The following TCHH variants were observed in gnomAD, a reference collection of about 807,000 sequenced individuals.
The protein encoded by TCHH is trichohyalin.
A neutral mutation model predicts 6.3 loss-of-function variants in TCHH; 6 were observed. That is an observed-to-expected ratio of 0.95 (90% CI 0.52 to 1.88). The LOEUF is 1.88. Among genes scored for constraint, TCHH ranks in the 40% most tolerant of loss-of-function variants. The pLI, the probability that TCHH is intolerant of heterozygous loss-of-function variation, is 0.01. For synonymous variants in TCHH, 1,087 were observed against 963.6 expected, an observed-to-expected ratio of 1.13 and a Z score of -2.37; for missense variants, 2,920 against 2,449.1, an observed-to-expected ratio of 1.19 and a Z score of -4.06.
In TCHH at chr1:152,111,719, G is replaced by GCTGCTCGCGCCTCTCCTC; in HGVS notation, c.1480_1497dup (p.Glu494_Gln499dup). The GCTGCTCGCGCCTCTCCTC allele has an allele frequency of 6.3e-7, 1 of 1,588,590 alleles. No individual in the cohort carries two copies. The highest frequency in any genetic ancestry group is 8.6e-7 in the Non-Finnish European group (1 of 1,167,814). On this transcript the variant is annotated inframe_insertion, in exon 3 of 3. Coordinates refer to ENST00000614923, the MANE Select transcript of TCHH (RefSeq NM_007113.4). ...CTTAGTTGCTGCTCGCGCCTCTCCTGCTGCTCGCGCCTCTCCTCCTCCTCG... is the reference window on the plus strand; with the variant it reads ...CTTAGTTGCTGCTCGCGCCTCTCCTGCTGCTCGCGCCTCTCCTCCTGCTCGCGCCTCTCCTCCTCCTCG...
chr1:152,113,872 G>T (rs540195709), intron 2 of TCHH, 71 bp downstream of exon 2: 15 of 1,550,262 alleles, frequency 9.7e-6, no homozygotes, highest in Middle Eastern at 3.5e-4. Flanking sequence ...ACCATTCCTT[G>T]CTCTGGTCTC....
In TCHH at chr1:152,109,380, A is replaced by G. The variant is rs770539191; in HGVS notation, c.3837T>C (p.Arg1279=). Residue 1279 remains arginine, a synonymous_variant, in exon 3 of 3, where the codon CGT becomes CGC. Coordinates refer to ENST00000614923, the MANE Select transcript of TCHH (RefSeq NM_007113.4). ...GCTGCCAGCGCCTCCTCTCTTGCTC[A>G]CGATCTCGCTCTTGCTGTTCACCCA... ...HLLGEQQERD[R]EQERRRWQQR... The G allele has an allele frequency of 6.2e-7, 1 of 1,614,138 alleles. No homozygotes were observed. Among genetic ancestry groups the G allele is most frequent in the Non-Finnish European group, 8.5e-7 (1 of 1,180,022 alleles).
rs1658104542 is a variant in TCHH at position 152,106,360 on chromosome 1, T to C, written c.*1025A>G. 1 of 152,194 alleles carries C rather than the reference T, an allele frequency of 6.6e-6. No individual in the cohort carries two copies. Among genetic ancestry groups the C allele is most frequent in the Non-Finnish European group, 1.5e-5 (1 of 68,048 alleles). The allele number at this position is 152,194 out of a possible 1,614,324, so 9.4% of individuals were successfully genotyped here. On this transcript the variant is annotated 3_prime_UTR_variant, in exon 3 of 3. Transcript: ENST00000614923. ...TTATTAATTTTTCACAGTCCAATTA[T>C]TTCAACAAGAATATATCTAAGGTAT... is the stretch of plus-strand genomic sequence containing the variant.
Position 152,112,419 on chromosome 1 carries a change from C to G in TCHH, c.798G>C (p.Gln266His), listed in dbSNP as rs541676028. 6.2e-7 allele frequency: 1 copy of G among 1,613,924 alleles called. No homozygotes were observed. The highest frequency in any genetic ancestry group is 1.7e-5 in the Admixed American group (1 of 60,016). ...EEEKLQEEEPQRQRELQEEEE... is the reference protein window; with the variant it reads ...EEEKLQEEEPHRQRELQEEEE... ...CTTCCTCCTGGAGCTCTCTTTGCCGCTGCGGCTCCTCTTCCTGCAACTTCT... is the reference window on the plus strand; with the variant it reads ...CTTCCTCCTGGAGCTCTCTTTGCCGGTGCGGCTCCTCTTCCTGCAACTTCT... The change falls in exon 3 of 3, where the codon CAG (glutamine) becomes CAC (histidine). Residue 266 changes from glutamine to histidine, a missense_variant. By Grantham distance (24) the Gln-to-His change is conservative (BLOSUM62 0). Transcript: ENST00000614923.
At position 152,109,023 on chromosome 1, in the gene TCHH, C is replaced by T. The variant is rs1392974790; in HGVS notation, c.4194G>A (p.Gln1398=). ...RERKFLKEEQ[Q]LRCQEREQQL... is the part of the protein sequence containing the mutation. Reference sequence around the variant, plus strand: ...GTTGCTCGCGCTCCTGGCAGCGCAGCTGCTGTTCCTCCTTAAGGAATTTTC... The same window carrying T: ...GTTGCTCGCGCTCCTGGCAGCGCAGTTGCTGTTCCTCCTTAAGGAATTTTC... Residue 1398 remains glutamine (Q), a synonymous_variant, in exon 3 of 3, where the codon CAG becomes CAA. Transcript: ENST00000614923. 4 of 1,613,732 alleles carry T rather than the reference C, an allele frequency of 2.5e-6. No individual in the cohort carries two copies. Among genetic ancestry groups the T allele is most frequent in the African/African-American group, 1.3e-5 (1 of 74,850 alleles).
rs1408574653 is a variant in TCHH, at chr1:152,112,425, C to T, written c.792G>A (p.Glu264=). ...RKEEEKLQEE[E]PQRQRELQEE... Reference sequence around the variant, plus strand: ...CCTGGAGCTCTCTTTGCCGCTGCGGCTCCTCTTCCTGCAACTTCTCTTCTT... The same window carrying T: ...CCTGGAGCTCTCTTTGCCGCTGCGGTTCCTCTTCCTGCAACTTCTCTTCTT... Residue 264 remains glutamate, a synonymous_variant, in exon 3 of 3, where the codon GAG becomes GAA. Coordinates refer to ENST00000614923, the MANE Select transcript of TCHH (RefSeq NM_007113.4). 6.2e-7 allele frequency: 1 copy of T among 1,613,764 alleles called. No individual in the cohort carries two copies. The highest frequency in any genetic ancestry group is 8.5e-7 in the Non-Finnish European group (1 of 1,179,998).
Position 152,110,146 on chromosome 1 carries a change from T to G in TCHH, c.3071A>C (p.Asp1024Ala). 6.2e-7 allele frequency: 1 copy of G among 1,608,768 alleles called. No individual in the cohort carries two copies. The highest frequency in any genetic ancestry group is 1.1e-5 in the South Asian group (1 of 90,586). ...CTGCTCTTCTTCCTGCTGCAGCTCG[T>G]CTTTTTTGCGGTACTGCCTCTCCCA... is the stretch of plus-strand genomic sequence containing the variant. ...QEWERQYRKK[D>A]ELQQEEEQLL... Residue 1024 changes from aspartate to alanine, a missense_variant, in exon 3 of 3, where the codon GAC (aspartate) becomes GCC (alanine). Coordinates refer to ENST00000614923, the MANE Select transcript of TCHH (RefSeq NM_007113.4).
chr1:152,108,484 T>C lies in TCHH; in HGVS notation c.4733A>G (p.Asp1578Gly), dbSNP rs555240164. ...CTGTTCCTCTAAACGGAATTTTCTGTCACGCTCTTGGCGGCTCAGCTGCTG... is the reference window on the plus strand; with the variant it reads ...CTGTTCCTCTAAACGGAATTTTCTGCCACGCTCTTGGCGGCTCAGCTGCTG... ...EEQQLSRQER[D>G]RKFRLEEQKV... is the part of the protein sequence containing the mutation. Residue 1578 changes from aspartate (D) to glycine (G), a missense_variant, in exon 3 of 3, where the codon GAC becomes GGC. Physicochemically the swap from Asp to Gly is moderately conservative, Grantham distance 94. Transcript: ENST00000614923. 1 of 1,613,006 alleles carries C rather than the reference T, an allele frequency of 6.2e-7. No homozygotes were observed. The highest frequency in any genetic ancestry group is 1.3e-5 in the African/African-American group (1 of 74,806).
Position 152,109,120 on chromosome 1 carries a change from T to C in TCHH, c.4097A>G (p.Glu1366Gly). The C allele has an allele frequency of 6.2e-7, 1 of 1,613,658 alleles. No homozygotes were observed. Among genetic ancestry groups the C allele is most frequent in the Non-Finnish European group, 8.5e-7 (1 of 1,179,834 alleles). ...TCTCCCTTGTTCCTGATGGCGCAGT[T>C]CCTCTTCGCGGAATTTTCTGTCACG... The part of the protein sequence containing the change: ...QERDRKFREE[E>G]LRHQEQGRKF... The change falls in exon 3 of 3, where the codon GAA becomes GGA. Residue 1366 changes from glutamate (E) to glycine (G), a missense_variant. By Grantham distance (98) the Glu-to-Gly change is moderately conservative. Coordinates refer to ENST00000614923, the MANE Select transcript of TCHH (RefSeq NM_007113.4).
intron 1 of TCHH, among the ~76,000 whole-genome samples, chr1:152,114,792 G>A (rs1017899280): frequency 2.6e-5 from 4 of 152,120 alleles, no homozygotes; most frequent in South Asian, 2.1e-4. Context: ...TAAGATATTC[G>A]GATATTGAAG....
chr1:152,111,523 T>A lies in TCHH; in HGVS notation c.1694A>T (p.Gln565Leu), dbSNP rs772091043. The stretch of plus-strand genomic sequence containing the variant: ...CTCCTCCTGCTCGCGCTTCAGCCGC[T>A]GCTCTCGCCTCTCCTGCTCGAGCCT... Reference protein sequence around the residue: ...EKRLEQERREQRLKREQEERR... With the variant: ...EKRLEQERRELRLKREQEERR... The change falls in exon 3 of 3, where the codon CAG (glutamine) becomes CTG (leucine). Residue 565 changes from glutamine (Q) to leucine (L), a missense_variant. Coordinates refer to ENST00000614923, the MANE Select transcript of TCHH (RefSeq NM_007113.4). 1 of 1,607,222 alleles carries A rather than the reference T, an allele frequency of 6.2e-7. No individual in the cohort carries two copies. Among genetic ancestry groups the A allele is most frequent in the South Asian group, 1.1e-5 (1 of 90,780 alleles).
Position 152,111,699 on chromosome 1 carries a change from T to TTGCTGCTCGCGCCTTCTCC in TCHH, c.1517_1518insGGAGAAGGCGCGAGCAGCA (p.Leu507GlufsTer177). On this transcript the variant is annotated frameshift_variant, in exon 3 of 3. Transcript: ENST00000614923. LOFTEE classifies it low-confidence loss of function (END_TRUNC). ...GCCTCTCCTCTTGCTCCCGCCTTAG[T>TTGCTGCTCGCGCCTTCTCC]TGCTGCTCGCGCCTCTCCTGCTGCT... 7.0e-7 allele frequency: 1 copy of TTGCTGCTCGCGCCTTCTCC among 1,438,434 alleles called. No homozygotes were observed. The highest frequency in any genetic ancestry group is 9.3e-7 in the Non-Finnish European group (1 of 1,077,548). The allele number at this position is 1,438,434 out of a possible 1,614,324, so 89.1% of individuals were successfully genotyped here.
Position 152,106,449 on chromosome 1 carries a change from C to A in TCHH, c.*936G>T, listed in dbSNP as rs1469794182. On this transcript the variant is annotated 3_prime_UTR_variant, in exon 3 of 3. Transcript: ENST00000614923. Reference sequence around the variant, plus strand: ...TGTCAAAGGGCCTCTAGAAATTTGCCCCTATGTTCACACATTTTTCCCTTT... The same window carrying A: ...TGTCAAAGGGCCTCTAGAAATTTGCACCTATGTTCACACATTTTTCCCTTT... 1 of 152,100 alleles carries A rather than the reference C, an allele frequency of 6.6e-6. No individual in the cohort carries two copies. Among genetic ancestry groups the A allele is most frequent in the Admixed American group, 6.5e-5 (1 of 15,270 alleles). The allele number at this position is 152,100 out of a possible 1,614,324, so 9.4% of individuals were successfully genotyped here. A position where few individuals can be genotyped will look rare whatever the true frequency, so the allele number is the denominator to read the frequency against.
chr1:152,111,604 A>G lies in TCHH; in HGVS notation c.1613T>C (p.Leu538Pro), dbSNP rs199577810. Residue 538 changes from leucine (L) to proline (P), a missense_variant, in exon 3 of 3, where the codon CTA (leucine) becomes CCA (proline). Physicochemically the swap from Leu to Pro is moderately conservative, Grantham distance 98. Transcript: ENST00000614923. Reference protein sequence around the residue: ...LQQRLRSEQQLRREQEERREQ... With the variant: ...LQQRLRSEQQPRREQEERREQ... The stretch of plus-strand genomic sequence containing the variant: ...GCGCCTCTCCTCCTGCTCGCGTCTT[A>G]GTTGTTGCTCGCTCCTCAACCGCTG... 1.3e-3 allele frequency: 2,071 copies of G among 1,544,718 alleles called. 1 individual carries two copies. Among genetic ancestry groups the G allele is most frequent in the Non-Finnish European group, 1.7e-3 (1,907 of 1,147,368 alleles).
In TCHH at chr1:152,107,722, T is replaced by C; in HGVS notation, c.5495A>G (p.Glu1832Gly). 6.2e-7 allele frequency: 1 copy of C among 1,614,182 alleles called. No homozygotes were observed. Among genetic ancestry groups the C allele is most frequent in the Non-Finnish European group, 8.5e-7 (1 of 1,180,040 alleles). Residue 1832 changes from glutamate (E) to glycine (G), a missense_variant, in exon 3 of 3, where the codon GAA becomes GGA. Coordinates refer to ENST00000614923, the MANE Select transcript of TCHH (RefSeq NM_007113.4). ...RWEEEQLQLEEQEQRLRQERD... is the reference protein window; with the variant it reads ...RWEEEQLQLEGQEQRLRQERD... ...CTCCTGCCGCAGCCTCTGCTCTTGT[T>C]CCTCAAGTTGGAGCTGCTCTTCTTC...
In TCHH at chr1:152,109,150, TGGC is replaced by T. The variant is rs1348715151; in HGVS notation, c.4064_4066del (p.Arg1355del). The T allele has an allele frequency of 6.2e-7, 1 of 1,613,984 alleles. No homozygotes were observed. Among genetic ancestry groups the T allele is most frequent in the East Asian group, 2.2e-5 (1 of 44,878 alleles). On this transcript the variant is annotated inframe_deletion, in exon 3 of 3. Coordinates refer to ENST00000614923, the MANE Select transcript of TCHH (RefSeq NM_007113.4). ...TTCGCGGAATTTTCTGTCACGCTCTTGGCGGCGCAGCGGCTGTTCCTCCCTTTC... is the reference window on the plus strand; with the variant it reads ...TTCGCGGAATTTTCTGTCACGCTCTTGGCGCAGCGGCTGTTCCTCCCTTTC...
chr1:152,112,213 C>T lies in TCHH; in HGVS notation c.1004G>A (p.Arg335His), dbSNP rs757795716. The change falls in exon 3 of 3, where the codon CGC becomes CAC. Residue 335 changes from arginine to histidine, a missense_variant. Transcript: ENST00000614923. ...CTGCTCGCGCCTCAGCTGCTGCTCG[C>T]GCCTCTCCTCCTGCTGCTCGCGCCT... ...QERREQQEER[R>H]EQQLRREQEE... 7.3e-7 allele frequency: 1 copy of T among 1,372,290 alleles called. No individual in the cohort carries two copies. Among genetic ancestry groups the T allele is most frequent in the Non-Finnish European group, 9.6e-7 (1 of 1,042,342 alleles). The allele number at this position is 1,372,290 out of a possible 1,614,324, so 85.0% of individuals were successfully genotyped here. A position where few individuals can be genotyped will look rare whatever the true frequency, so the allele number is the denominator to read the frequency against.
chr1:152,112,510 C>T lies in TCHH; in HGVS notation c.707G>A (p.Arg236Lys). 6.2e-7 allele frequency: 1 copy of T among 1,613,482 alleles called. No homozygotes were observed. The highest frequency in any genetic ancestry group is 8.5e-7 in the Non-Finnish European group (1 of 1,179,994). ...TTTCTCTTCTTCCTCCTGGAACACT[C>T]TGTCTTGCCGCTCTCGCCTTTGCTG... ...KQQQRRERQD[R>K]VFQEEEEKEW... The change falls in exon 3 of 3, where the codon AGA (arginine) becomes AAA (lysine). Residue 236 changes from arginine (R) to lysine (K), a missense_variant. Transcript: ENST00000614923.
chr1:152,112,271 C>T lies in TCHH; in HGVS notation c.946G>A (p.Glu316Lys), dbSNP rs552863941. Reference sequence around the variant, plus strand: ...TGCTCGCGCCTCTCCTCCTGCTGCTCGCGCCTCTCCTCCTCCTGCTTGCGC... The same window carrying T: ...TGCTCGCGCCTCTCCTCCTGCTGCTTGCGCCTCTCCTCCTCCTGCTTGCGC... Reference protein sequence around the residue: ...LRRKQEEERREQQEERREQQE... With the variant: ...LRRKQEEERRKQQEERREQQE... The change falls in exon 3 of 3, where the codon GAG becomes AAG. Residue 316 changes from glutamate to lysine, a missense_variant. Coordinates refer to ENST00000614923, the MANE Select transcript of TCHH (RefSeq NM_007113.4). The T allele has an allele frequency of 5.0e-6, 8 of 1,602,054 alleles. No individual in the cohort carries two copies. Among genetic ancestry groups the T allele is most frequent in the Admixed American group, 1.7e-5 (1 of 58,966 alleles).
Sources: allele counts gnomAD v4.1 joint callset (sites outside exome capture counted in the v4.1 genomes callset), GRCh38; gene constraint gnomAD v4.1.1; transcripts MANE v1.5; gene names NCBI Gene and HGNC (gene_info 2026-07-23, HGNC 2026-07-21).